Variants in NIM1K observed in about 807,000 individuals in gnomAD.
The protein encoded by NIM1K is NIM1 serine/threonine protein kinase.
A neutral mutation model predicts 37.1 loss-of-function variants in NIM1K; 35 were observed. That is an observed-to-expected ratio of 0.94 (90% confidence interval 0.72 to 1.25). The LOEUF is 1.25. Among genes scored for constraint, NIM1K ranks in the 50% most tolerant of loss-of-function variants. The pLI, the probability that NIM1K is intolerant of heterozygous loss-of-function variation, is 0.00. For synonymous variants in NIM1K, 234 were observed against 206.6 expected, an observed-to-expected ratio of 1.13 and a Z score of -1.14; for missense variants, 564 against 548.0, an observed-to-expected ratio of 1.03 and a Z score of -0.29.
intron 1 of NIM1K, among the ~76,000 whole-genome samples, chr5:43,213,214 T>G (rs1054711140): frequency 2.1e-5 from 1 of 46,692 alleles, no homozygotes; most frequent in Non-Finnish European, 5.1e-5. Flanking sequence ...TCTTTCTTTC[T>G]TTCTTTCTTT....
chr5:43,245,505 T>C lies in NIM1K; in HGVS notation c.-271T>C, dbSNP rs946714876. The C allele has an allele frequency of 2.5e-5, 9 of 357,654 alleles. No individual in the cohort carries two copies. Among genetic ancestry groups the C allele is most frequent in the Non-Finnish European group, 4.0e-5 (8 of 198,562 alleles). 22.2% of individuals were successfully genotyped at this position (357,654 alleles called of 1,614,324 possible). On this transcript the variant is annotated 5_prime_UTR_variant, in exon 2 of 4. Coordinates refer to ENST00000326035, the MANE Select transcript of NIM1K (RefSeq NM_153361.4). Reference sequence around the variant, plus strand: ...TGGGTATGTAACATGTGCCTAATTGTACAGCTAGAGCCTGCAAGTTCAACG... The same window carrying C: ...TGGGTATGTAACATGTGCCTAATTGCACAGCTAGAGCCTGCAAGTTCAACG...
chr5:43,198,975 G>A (rs1020732540), intron 1 of NIM1K, among the ~76,000 whole-genome samples: 12 of 151,666 alleles, frequency 7.9e-5, no homozygotes, highest in Non-Finnish European at 1.3e-4. Flanking sequence ...GATCACCTGA[G>A]GTCAGGAGTT....
At chr5:43,241,314 G>A (rs1752698880) in intron 1 of NIM1K, among the ~76,000 whole-genome samples, 1 of 143,960 alleles carries the variant, frequency 6.9e-6, no homozygotes, top group South Asian at 2.2e-4. Flanking sequence ...GAGGATATTG[G>A]TATTTTTCTT....
rs866379371 is a variant in NIM1K, at chr5:43,241,097, G to A, written c.-694-3985G>A. 3.3e-5 allele frequency among the ~76,000 whole-genome samples: 5 copies of A among 151,948 alleles called. 1 individual carries two copies. The South Asian group carries it at 8.3e-4, about 25-fold the overall frequency. On this transcript the variant is annotated intron_variant, in intron 1 of 3. Transcript: ENST00000326035. ...TCAGTAACAATGAATGAGAATTCCT[G>A]TTTCCCCATACTATCTCTCACCATT...
At chr5:43,255,448 A>G (rs2112275612) in intron 2 of NIM1K, among the ~76,000 whole-genome samples, 1 of 152,262 alleles carries the variant, frequency 6.6e-6, no homozygotes. Context: ...ATGTAGCGAT[A>G]AGTGATAAGA....
chr5:43,276,015 C>T (rs1264039179), intron 2 of NIM1K, among the ~76,000 whole-genome samples: 2 of 151,350 alleles, frequency 1.3e-5, no homozygotes, highest in African/African-American at 2.4e-5. Context: ...GATTCTCCTG[C>T]CTCAGCCACC....
intron 2 of NIM1K, among the ~76,000 whole-genome samples, chr5:43,253,217 T>TA (rs1192212377): frequency 0.016 from 375 of 23,196 alleles, 3 homozygotes; most frequent in Middle Eastern, 0.042. Context: ...AATATATGTG[T>TA]GTGTGTGTGT....
At chr5:43,274,147 G>T (rs954754259) in intron 2 of NIM1K, among the ~76,000 whole-genome samples, 3 of 152,164 alleles carry the variant, frequency 2.0e-5, no homozygotes, top group African/African-American at 7.2e-5. Flanking sequence ...AGGATTTAAG[G>T]AAGCTTTCAC....
At chr5:43,274,621 G>A (rs1753310612) in intron 2 of NIM1K, among the ~76,000 whole-genome samples, 1 of 152,290 alleles carries the variant, frequency 6.6e-6, no homozygotes, top group Middle Eastern at 3.4e-3. Context: ...CTTTTGCTGG[G>A]GCTGATTGCC....
At chr5:43,200,428 G>A (rs1752000568) in intron 1 of NIM1K, among the ~76,000 whole-genome samples, 1 of 152,112 alleles carries the variant, frequency 6.6e-6, no homozygotes, top group Non-Finnish European at 1.5e-5. Context: ...AGCCTCCCGA[G>A]TAGCTAGGAC....
At chr5:43,225,977 A>G (rs1466654232) in intron 1 of NIM1K, among the ~76,000 whole-genome samples, 1 of 152,248 alleles carries the variant, frequency 6.6e-6, no homozygotes, top group African/African-American at 2.4e-5. Context: ...TGAGTGGGTC[A>G]GTGAGGGAAG....
chr5:43,213,161 CTTTT>C (rs34283430), intron 1 of NIM1K, among the ~76,000 whole-genome samples: 62,945 of 103,194 alleles, frequency 0.61, 15,601 homozygotes, highest in Non-Finnish European at 0.63. Context: ...TTCTTTCTTT[CTTTT>C]TTTCTTTCTT....
At chr5:43,239,782 C>T (rs1477034152) in intron 1 of NIM1K, among the ~76,000 whole-genome samples, 1 of 152,074 alleles carries the variant, frequency 6.6e-6, no homozygotes, top group East Asian at 1.9e-4. Flanking sequence ...CATGCCTGGC[C>T]TCCACTCTTA....
intron 2 of NIM1K, among the ~76,000 whole-genome samples, chr5:43,270,674 T>C (rs1753242688): frequency 6.6e-6 from 1 of 152,116 alleles, no homozygotes; most frequent in Non-Finnish European, 1.5e-5. Flanking sequence ...GACCAGAAAT[T>C]CAAAGTGAGA....
In NIM1K at chr5:43,252,064, T is replaced by G. The variant is rs140114832; in HGVS notation, c.292+5997T>G. Among the ~76,000 whole-genome samples the G allele has an allele frequency of 2.5e-3, 387 of 151,882 alleles. 5 individuals are homozygous for G. The highest frequency in any genetic ancestry group is 9.0e-3 in the African/African-American group (371 of 41,386). Reference sequence around the variant, plus strand: ...TTAGCTAGCTAAGCCGAGAAGTTTCTACAAGCCGGGAGCAAGACAGTGCCC... The same window carrying G: ...TTAGCTAGCTAAGCCGAGAAGTTTCGACAAGCCGGGAGCAAGACAGTGCCC... On this transcript the variant is annotated intron_variant, in intron 2 of 3. Transcript: ENST00000326035.
intron 2 of NIM1K, among the ~76,000 whole-genome samples, chr5:43,255,864 A>G (rs979769588): frequency 2.0e-5 from 3 of 151,554 alleles, no homozygotes; most frequent in African/African-American, 7.3e-5. Context: ...TAATAATTAA[A>G]CTGAAAGAAA....
At chr5:43,262,878 G>A (rs572428583) in intron 2 of NIM1K, among the ~76,000 whole-genome samples, 1 of 152,230 alleles carries the variant, frequency 6.6e-6, no homozygotes, top group African/African-American at 2.4e-5. Context: ...TGTGGTTTTT[G>A]TCTTTGGTTC....
chr5:43,219,504 G>A (rs906261260), intron 1 of NIM1K, among the ~76,000 whole-genome samples: 4 of 152,240 alleles, frequency 2.6e-5, no homozygotes, highest in South Asian at 4.1e-4. Flanking sequence ...GCCTCCCAAA[G>A]TGCTGGGATT....
intron 1 of NIM1K, chr5:43,233,238 G>A (rs1195157045): frequency 1.3e-6 from 1 of 768,002 alleles, no homozygotes; most frequent in East Asian, 2.7e-5. Context: ...TTCTTACAGT[G>A]CGACTCTTAG....
Sources: gnomAD v4.1 joint callset for allele counts (sites outside exome capture counted in the v4.1 genomes callset) on GRCh38, gnomAD v4.1.1 for gene constraint, MANE v1.5 for transcripts, NCBI Gene and HGNC (gene_info 2026-07-23, HGNC 2026-07-21) for gene names.